DCC: variants seen among roughly 807,000 people sequenced by gnomAD.
DCC encodes netrin receptor DCC.
Under a neutral mutation model 172.5 loss-of-function variants are expected in DCC, and 58 were observed. The observed-to-expected ratio is 0.34, with a 90% CI of 0.27 to 0.42. The LOEUF is 0.42. Among genes scored for constraint, DCC ranks in the 10% least tolerant of loss-of-function variants. DCC has a pLI of 1.00. For synonymous variants in DCC, 709 were observed against 644.5 expected, an observed-to-expected ratio of 1.10 and a Z score of -1.52; for missense variants, 1,740 against 1,791.0, an observed-to-expected ratio of 0.97 and a Z score of 0.51.
chr18:53,222,654 A>G (rs1243023475), intron 12 of DCC, among the ~76,000 whole-genome samples: 3 of 147,934 alleles, frequency 2.0e-5, no homozygotes, highest in African/African-American at 7.9e-5. Flanking sequence ...CCAAAATGCT[A>G]AGATTACAGG....
intron 2 of DCC, among the ~76,000 whole-genome samples, chr18:52,888,564 A>G (rs932538465): frequency 2.6e-5 from 4 of 152,190 alleles, no homozygotes; most frequent in African/African-American, 9.6e-5. Flanking sequence ...ACTTAAAAAA[A>G]GTACTGGAAA....
At chr18:52,673,192 G>C (rs901742623) in intron 1 of DCC, among the ~76,000 whole-genome samples, 1 of 152,176 alleles carries the variant, frequency 6.6e-6, no homozygotes, top group East Asian at 1.9e-4. Flanking sequence ...TATGATAAAA[G>C]TCCCTCCCAT....
rs2057225950 is a variant in DCC at position 53,308,225 on chromosome 18, A to G, written c.2053+2506A>G. On this transcript the variant is annotated intron_variant, in intron 13 of 28. Coordinates refer to ENST00000442544, the MANE Select transcript of DCC (RefSeq NM_005215.4). ...ACTATATGTCTAATTTAAATGAAAT[A>G]GTGTAAAAATGTTAAATCATATGTA... Among the ~76,000 whole-genome samples the G allele has an allele frequency of 1.3e-5, 2 of 151,838 alleles. 1 individual carries two copies. Among genetic ancestry groups the G allele is most frequent in the South Asian group, 4.1e-4 (2 of 4,824 alleles).
intron 7 of DCC, among the ~76,000 whole-genome samples, chr18:53,104,034 A>G (rs1405594413): frequency 1.3e-5 from 2 of 152,092 alleles, no homozygotes; most frequent in East Asian, 3.9e-4. Flanking sequence ...AATTAATGCT[A>G]AAATGCCAAA....
intron 8 of DCC, among the ~76,000 whole-genome samples, chr18:53,176,460 A>G (rs2055096409): frequency 6.7e-6 from 1 of 149,560 alleles, no homozygotes; most frequent in African/African-American, 2.5e-5. Flanking sequence ...AGTATCTACA[A>G]TGAACTCAAA....
chr18:53,030,269 A>G (rs1454397615), intron 5 of DCC, among the ~76,000 whole-genome samples: 1 of 152,196 alleles, frequency 6.6e-6, no homozygotes. Context: ...ATAAAAGTAT[A>G]GGAGATATAT....
At chr18:52,400,074 T>C (rs12456286) in intron 1 of DCC, among the ~76,000 whole-genome samples, 16,761 of 151,990 alleles carry the variant, frequency 0.11, 1,017 homozygotes, top group Admixed American at 0.16. Flanking sequence ...AATAGAAATA[T>C]GTTTGAAAGT....
intron 9 of DCC, among the ~76,000 whole-genome samples, chr18:53,200,206 A>T (rs1051070998): frequency 1.3e-5 from 2 of 152,212 alleles, no homozygotes; most frequent in Non-Finnish European, 1.5e-5. Flanking sequence ...AGCTACGTAG[A>T]TATAAAGAAA....
chr18:52,856,577 G>C (rs2039057582), intron 2 of DCC, among the ~76,000 whole-genome samples: 2 of 129,294 alleles, frequency 1.5e-5, no homozygotes, highest in Admixed American at 9.7e-5. Flanking sequence ...AGTGAGCCGG[G>C]ATTGCGCCAC....
At chr18:52,715,046 G>A (rs1458061057) in intron 1 of DCC, among the ~76,000 whole-genome samples, 1 of 152,102 alleles carries the variant, frequency 6.6e-6, no homozygotes, top group East Asian at 1.9e-4. Context: ...GCAGTTAGGA[G>A]TACTGGATTC....
intron 9 of DCC, among the ~76,000 whole-genome samples, chr18:53,188,052 A>T (rs747509435): frequency 8.5e-5 from 13 of 152,204 alleles, no homozygotes; most frequent in Non-Finnish European, 1.6e-4. Flanking sequence ...TTGTCCTCTT[A>T]TTTAAACCTA....
intron 1 of DCC, among the ~76,000 whole-genome samples, chr18:52,436,904 A>C (rs1212087727): frequency 6.6e-6 from 1 of 152,196 alleles, no homozygotes; most frequent in East Asian, 1.9e-4. Flanking sequence ...TGGGTGACAG[A>C]GCAAGACTCT....
At chr18:53,049,062 T>C (rs2042298667) in intron 5 of DCC, among the ~76,000 whole-genome samples, 1 of 152,116 alleles carries the variant, frequency 6.6e-6, no homozygotes, top group Non-Finnish European at 1.5e-5. Flanking sequence ...TTTAAGTTCA[T>C]TATAGATTCT....
At chr18:52,370,106 A>AT (rs142513159) in intron 1 of DCC, among the ~76,000 whole-genome samples, 11,355 of 152,166 alleles carry the variant, frequency 0.075, 688 homozygotes, top group East Asian at 0.3. Context: ...TTGTTTCTTG[A>AT]TTTTTTAATA....
intron 1 of DCC, among the ~76,000 whole-genome samples, chr18:52,662,767 A>G (rs866950864): frequency 6.6e-6 from 1 of 152,222 alleles, no homozygotes; most frequent in Non-Finnish European, 1.5e-5. Flanking sequence ...AAAATAGCAT[A>G]AACTGAGTGG....
At position 53,486,787 on chromosome 18, in the gene DCC, T is replaced by C; in HGVS notation, c.3737-10T>C. The stretch of plus-strand genomic sequence containing the variant: ...GGTTCAAAAAACCCATTAACCTTTT[T>C]CTTTTGCAGCTGTCGTGAGCGCCAT... On this transcript the variant is annotated splice_polypyrimidine_tract_variant and intron_variant, in intron 25 of 28. Transcript: ENST00000442544. The C allele has an allele frequency of 1.9e-6, 3 of 1,614,184 alleles. No homozygotes were observed. The highest frequency in any genetic ancestry group is 1.3e-5 in the African/African-American group (1 of 75,056).
chr18:52,507,010 G>T (rs1001696078), intron 1 of DCC, among the ~76,000 whole-genome samples: 1 of 152,108 alleles, frequency 6.6e-6, no homozygotes, highest in Non-Finnish European at 1.5e-5. Flanking sequence ...CTAAAAGAGA[G>T]CTTTGGAATG....
At chr18:52,485,604 G>C (rs1477144716) in intron 1 of DCC, among the ~76,000 whole-genome samples, 1 of 152,080 alleles carries the variant, frequency 6.6e-6, no homozygotes, top group Non-Finnish European at 1.5e-5. Flanking sequence ...ATACAGGAGA[G>C]CAAATGGCAA....
At chr18:53,273,936 G>T (rs2056776641) in intron 12 of DCC, among the ~76,000 whole-genome samples, 1 of 152,016 alleles carries the variant, frequency 6.6e-6, no homozygotes, top group African/African-American at 2.4e-5. Flanking sequence ...ATATTGTGTA[G>T]GGAGAGAAAT....
Sources: gnomAD v4.1 joint callset for allele counts (sites outside exome capture counted in the v4.1 genomes callset) on GRCh38, gnomAD v4.1.1 for gene constraint, MANE v1.5 for transcripts, NCBI Gene and HGNC (gene_info 2026-07-23, HGNC 2026-07-21) for gene names.